Variants in DOK6 observed in about 807,000 individuals in gnomAD.
The protein encoded by DOK6 is docking protein 6.
Under a neutral mutation model 44.0 loss-of-function variants are expected in DOK6, and 22 were observed. That is an observed-to-expected ratio of 0.50 (90% CI 0.36 to 0.71). The LOEUF is 0.71. Ranked by LOEUF, DOK6 falls within the 30% of genes least tolerant of loss-of-function variation. The pLI is 0.00. For missense variants in DOK6, 340 were observed against 416.4 expected (o/e 0.82, Z 1.60); for synonymous variants, 166 against 145.5 (o/e 1.14, Z -1.01).
intron 7 of DOK6, among the ~76,000 whole-genome samples, chr18:69,772,107 C>A (rs571259539): frequency 6.8e-4 from 103 of 151,584 alleles, no homozygotes; most frequent in African/African-American, 2.4e-3. Context: ...GAGTTCCATA[C>A]TACAATGAGC....
chr18:69,665,585 G>A (rs1223845693), intron 3 of DOK6, among the ~76,000 whole-genome samples: 1 of 152,138 alleles, frequency 6.6e-6, no homozygotes, highest in Non-Finnish European at 1.5e-5. Flanking sequence ...CCTCTGAAGC[G>A]AGCATGGGAG....
intron 1 of DOK6, among the ~76,000 whole-genome samples, chr18:69,432,387 T>C (rs1355166204): frequency 6.6e-6 from 1 of 152,124 alleles, no homozygotes; most frequent in Non-Finnish European, 1.5e-5. Context: ...AAGGCTGCAG[T>C]GAGCCGAGAT....
chr18:69,438,640 C>T (rs752184959), intron 1 of DOK6, among the ~76,000 whole-genome samples: 1 of 152,162 alleles, frequency 6.6e-6, no homozygotes, highest in Non-Finnish European at 1.5e-5. Context: ...ACTTACTTTA[C>T]CCAATTCCAT....
intron 3 of DOK6, among the ~76,000 whole-genome samples, chr18:69,672,484 G>A (rs1346212847): frequency 1.3e-5 from 2 of 152,172 alleles, no homozygotes; most frequent in African/African-American, 2.4e-5. Flanking sequence ...TCAGACTCCC[G>A]AGTAGCTGGG....
chr18:69,574,647 C>G (rs1307283169), intron 2 of DOK6, among the ~76,000 whole-genome samples: 1 of 151,678 alleles, frequency 6.6e-6, no homozygotes, highest in Non-Finnish European at 1.5e-5. Flanking sequence ...TGAAAGGAGG[C>G]CTGGAGTGGG....
intron 2 of DOK6, among the ~76,000 whole-genome samples, chr18:69,597,860 T>A (rs1340051619): frequency 6.6e-6 from 1 of 152,208 alleles, no homozygotes; most frequent in Non-Finnish European, 1.5e-5. Context: ...GTATTTATGT[T>A]GGGGTTGTAA....
intron 6 of DOK6, among the ~76,000 whole-genome samples, chr18:69,743,332 A>C (rs893994219): frequency 6.6e-6 from 1 of 152,202 alleles, no homozygotes; most frequent in Admixed American, 6.5e-5. Context: ...TTTGGATTCC[A>C]TTGCCAAAAG....
At chr18:69,740,129 G>C (rs939238485) in intron 6 of DOK6, among the ~76,000 whole-genome samples, 1 of 152,138 alleles carries the variant, frequency 6.6e-6, no homozygotes, top group Admixed American at 6.5e-5. Flanking sequence ...GGGCAACACA[G>C]GGCATTGGAC....
intron 3 of DOK6, among the ~76,000 whole-genome samples, chr18:69,656,914 G>A (rs1312796642): frequency 6.6e-6 from 1 of 152,122 alleles, no homozygotes; most frequent in African/African-American, 2.4e-5. Flanking sequence ...TCCAGGGTTG[G>A]AGTCCAAGAA....
intron 3 of DOK6, among the ~76,000 whole-genome samples, chr18:69,599,892 CA>C (rs1157129489): frequency 6.6e-6 from 1 of 152,182 alleles, no homozygotes; most frequent in Non-Finnish European, 1.5e-5. Context: ...AGTCCGCAGA[CA>C]CCACAAAACA....
In DOK6 at chr18:69,540,731, C is replaced by T. The variant is rs117812332; in HGVS notation, c.67-23756C>T. On this transcript the variant is annotated intron_variant, in intron 1 of 7. Transcript: ENST00000382713. ...CTTTTGATAATTAATTTTATTAACA[C>T]TTATCTTAGTGAAATTAATTACCTT... is the stretch of plus-strand genomic sequence containing the variant. Among the ~76,000 whole-genome samples, 36 of 149,994 alleles carry T rather than the reference C, an allele frequency of 2.4e-4. No individual in the cohort carries two copies. The East Asian group carries it at 6.0e-3, about 25-fold the overall frequency.
intron 1 of DOK6, among the ~76,000 whole-genome samples, chr18:69,522,674 G>T (rs1981720296): frequency 6.6e-6 from 1 of 151,920 alleles, no homozygotes; most frequent in Non-Finnish European, 1.5e-5. Context: ...CTACATTCTG[G>T]ATTTATTAGT....
In DOK6 at chr18:69,689,522, C is replaced by G. The variant is rs185301098; in HGVS notation, c.410-8882C>G. Among the ~76,000 whole-genome samples the G allele has an allele frequency of 7.2e-4, 110 of 152,234 alleles. 1 individual carries two copies. The East Asian group carries it at 0.015, about 20-fold the overall frequency. On this transcript the variant is annotated intron_variant, in intron 4 of 7. Coordinates refer to ENST00000382713, the MANE Select transcript of DOK6 (RefSeq NM_152721.6). Reference sequence around the variant, plus strand: ...AATTTTTGATAAATCTGGCAAAAGACACTTATAATGACTCGCTCTATATGT... The same window carrying G: ...AATTTTTGATAAATCTGGCAAAAGAGACTTATAATGACTCGCTCTATATGT...
At chr18:69,437,749 C>T (rs1019697239) in intron 1 of DOK6, among the ~76,000 whole-genome samples, 1 of 152,040 alleles carries the variant, frequency 6.6e-6, no homozygotes, top group Non-Finnish European at 1.5e-5. Context: ...AAGGAATTAT[C>T]TGGATTTTAT....
At chr18:69,721,362 C>G (rs1022027463) in intron 5 of DOK6, 2 of 152,270 alleles carry the variant, frequency 1.3e-5, no homozygotes, top group Non-Finnish European at 2.9e-5. Flanking sequence ...CCTCTTCAAA[C>G]AGCAGGTGCT....
At chr18:69,608,343 T>A (rs191278119) in intron 3 of DOK6, among the ~76,000 whole-genome samples, 96 of 152,352 alleles carry the variant, frequency 6.3e-4, no homozygotes, top group Admixed American at 3.1e-3. Context: ...ATGTCTGGGC[T>A]ATTCTGTTCC....
intron 1 of DOK6, among the ~76,000 whole-genome samples, chr18:69,427,674 T>C (rs1259156786): frequency 6.6e-6 from 1 of 152,120 alleles, no homozygotes; most frequent in East Asian, 1.9e-4. Context: ...ATTGCAGCAC[T>C]ATTCACAACA....
At chr18:69,515,416 T>C (rs1981493795) in intron 1 of DOK6, among the ~76,000 whole-genome samples, 1 of 152,214 alleles carries the variant, frequency 6.6e-6, no homozygotes, top group African/African-American at 2.4e-5. Context: ...TAACCTGCTT[T>C]TTACTGTTGC....
intron 4 of DOK6, among the ~76,000 whole-genome samples, chr18:69,694,345 C>G (rs1264328709): frequency 6.6e-6 from 1 of 151,682 alleles, no homozygotes; most frequent in African/African-American, 2.4e-5. Context: ...TCCTTTGGAC[C>G]TCATCATTCA....
Sources: allele counts gnomAD v4.1 joint callset (sites outside exome capture counted in the v4.1 genomes callset), GRCh38; gene constraint gnomAD v4.1.1; transcripts MANE v1.5; gene names NCBI Gene and HGNC (gene_info 2026-07-23, HGNC 2026-07-21).